Variants in GPR158 observed in about 807,000 individuals in gnomAD.
GPR158 encodes metabotropic glycine receptor.
In GPR158, 30 loss-of-function variants were observed where a neutral mutation model predicts 78.2. The observed-to-expected ratio is 0.38, with a 90% confidence interval of 0.29 to 0.52. The LOEUF (loss-of-function observed/expected upper bound fraction) is 0.52. GPR158 is among the 20% of genes least tolerant of loss of function. GPR158 has a pLI of 0.83. For missense variants in GPR158, 1,463 were observed against 1,523.5 expected (o/e 0.96, Z 0.66); for synonymous variants, 581 against 591.1 (o/e 0.98, Z 0.25).
chr10:25,235,426 CTTT>C (rs148749730), intron 2 of GPR158, among the ~76,000 whole-genome samples: 22 of 137,846 alleles, frequency 1.6e-4, no homozygotes, highest in Admixed American at 2.9e-4. Flanking sequence ...TCTCTTCTTC[CTTT>C]TTTTTTTTTT....
intron 5 of GPR158, among the ~76,000 whole-genome samples, chr10:25,504,384 A>C (rs940433519): frequency 6.6e-6 from 1 of 152,062 alleles, no homozygotes; most frequent in Non-Finnish European, 1.5e-5. Context: ...TTTTATCTTT[A>C]TTTGCTCCAA....
intron 4 of GPR158, among the ~76,000 whole-genome samples, chr10:25,420,869 T>G (rs1245572191): frequency 2.6e-5 from 4 of 152,192 alleles, no homozygotes; most frequent in Admixed American, 6.5e-5. Flanking sequence ...TTACTATATC[T>G]TTGTAGTAAA....
chr10:25,477,581 C>G (rs1835605880), intron 5 of GPR158, among the ~76,000 whole-genome samples: 1 of 152,042 alleles, frequency 6.6e-6, no homozygotes. Flanking sequence ...AGAAAGTTCC[C>G]CCAACTTTAC....
intron 2 of GPR158, among the ~76,000 whole-genome samples, chr10:25,280,951 A>G (rs1458934699): frequency 1.3e-5 from 2 of 151,964 alleles, no homozygotes; most frequent in Non-Finnish European, 2.9e-5. Context: ...CCTGGCCAAC[A>G]TGGCAAAATC....
At chr10:25,507,989 G>GT (rs1269401316) in intron 5 of GPR158, among the ~76,000 whole-genome samples, 1 of 152,094 alleles carries the variant, frequency 6.6e-6, no homozygotes, top group African/African-American at 2.4e-5. Flanking sequence ...TATAAGGACG[G>GT]TTTTTTAAGG....
At chr10:25,557,466 C>G (rs148692232) in intron 6 of GPR158, among the ~76,000 whole-genome samples, 35 of 152,306 alleles carry the variant, frequency 2.3e-4, no homozygotes, top group African/African-American at 8.4e-4. Flanking sequence ...CAAAGAGTCA[C>G]TCTTTAATTG....
intron 5 of GPR158, among the ~76,000 whole-genome samples, chr10:25,467,491 T>A (rs1255823106): frequency 7.2e-5 from 11 of 152,160 alleles, no homozygotes. Flanking sequence ...CAGAAACATG[T>A]TCTAGGGTAA....
At chr10:25,277,470 A>AAGAG (rs370403743) in intron 2 of GPR158, among the ~76,000 whole-genome samples, 30 of 149,368 alleles carry the variant, frequency 2.0e-4, no homozygotes, top group African/African-American at 3.4e-4. Flanking sequence ...AAAAAAGCAA[A>AAGAG]AGAGAGAGAG....
Position 25,599,126 on chromosome 10 carries a change from C to T in GPR158, c.3500C>T (p.Ser1167Leu). 6.2e-7 allele frequency: 1 copy of T among 1,611,524 alleles called. No individual in the cohort carries two copies. The highest frequency in any genetic ancestry group is 8.5e-7 in the Non-Finnish European group (1 of 1,179,968). ...AATAACTTCCAGCAACCTTTAACAT[C>T]ACGAGCAGAGGTTTGTCCTTGGGAG... ...SSNNFQQPLT[S>L]RAEVCPWEFE... The change falls in exon 11 of 11, where the codon TCA (serine) becomes TTA (leucine). Residue 1167 changes from serine (S) to leucine (L), a missense_variant. Physicochemically the swap from Ser to Leu is moderately radical, Grantham distance 145. Coordinates refer to ENST00000376351, the MANE Select transcript of GPR158 (RefSeq NM_020752.3).
At chr10:25,314,596 T>G (rs1181118215) in intron 2 of GPR158, among the ~76,000 whole-genome samples, 2 of 151,746 alleles carry the variant, frequency 1.3e-5, no homozygotes, top group African/African-American at 4.8e-5. Flanking sequence ...TCATTGATTT[T>G]TATGCTTACT....
At chr10:25,509,474 T>C (rs1836055748) in intron 5 of GPR158, among the ~76,000 whole-genome samples, 1 of 152,196 alleles carries the variant, frequency 6.6e-6, no homozygotes, top group South Asian at 2.1e-4. Context: ...GAGCCTCTTC[T>C]GGAAGACTTA....
chr10:25,598,437 A>C lies in GPR158; in HGVS notation c.2811A>C (p.Lys937Asn). ...ERTKSQKPLP[K>N]DKETNRNHSN... Reference sequence around the variant, plus strand: ...CTAAATCCCAGAAACCTTTGCCAAAAGATAAAGAGACAAACAGAAATCACT... The same window carrying C: ...CTAAATCCCAGAAACCTTTGCCAAACGATAAAGAGACAAACAGAAATCACT... The change falls in exon 11 of 11, where the codon AAA (lysine) becomes AAC (asparagine). Residue 937 changes from lysine (K) to asparagine (N), a missense_variant. Physicochemically the swap from Lys to Asn is moderately conservative, Grantham distance 94 (BLOSUM62 0). Coordinates refer to ENST00000376351, the MANE Select transcript of GPR158 (RefSeq NM_020752.3). The C allele has an allele frequency of 6.2e-7, 1 of 1,614,124 alleles. No homozygotes were observed. The highest frequency in any genetic ancestry group is 8.5e-7 in the Non-Finnish European group (1 of 1,180,026).
chr10:25,292,470 G>A (rs908157043), intron 2 of GPR158, among the ~76,000 whole-genome samples: 15 of 151,846 alleles, frequency 9.9e-5, no homozygotes, highest in Non-Finnish European at 1.6e-4. Context: ...ACAATTCAAA[G>A]CATTTCATTG....
intron 5 of GPR158, among the ~76,000 whole-genome samples, chr10:25,510,846 TTCCA>T (rs1836075390): frequency 6.6e-6 from 1 of 152,220 alleles, no homozygotes; most frequent in South Asian, 2.1e-4. Context: ...TGGTCTCCAA[TTCCA>T]TCCGGGTTGC....
intron 2 of GPR158, among the ~76,000 whole-genome samples, chr10:25,391,248 A>G (rs2130521797): frequency 6.6e-6 from 1 of 152,282 alleles, no homozygotes; most frequent in East Asian, 1.9e-4. Flanking sequence ...CAGCGTCCCC[A>G]CTGGGGCACT....
chr10:25,442,208 G>A (rs910705217), intron 4 of GPR158, among the ~76,000 whole-genome samples: 3 of 151,946 alleles, frequency 2.0e-5, no homozygotes, highest in African/African-American at 7.3e-5. Flanking sequence ...GAGTTTTAAG[G>A]TTTTTTTATT....
At chr10:25,507,029 G>A (rs972368413) in intron 5 of GPR158, among the ~76,000 whole-genome samples, 2 of 152,162 alleles carry the variant, frequency 1.3e-5, no homozygotes, top group Admixed American at 6.5e-5. Flanking sequence ...AAGAAGGTTT[G>A]CTTCGGGTTC....
intron 7 of GPR158, among the ~76,000 whole-genome samples, chr10:25,578,752 AAT>A (rs1366346105): frequency 6.6e-6 from 1 of 152,184 alleles, no homozygotes; most frequent in African/African-American, 2.4e-5. Flanking sequence ...TCACACCTGT[AAT>A]CCCAGCACTT....
intron 2 of GPR158, among the ~76,000 whole-genome samples, chr10:25,380,493 A>G (rs1209025105): frequency 6.6e-6 from 1 of 152,106 alleles, no homozygotes; most frequent in East Asian, 1.9e-4. Flanking sequence ...TTTTTTTAGT[A>G]TTACAATTAG....
Sources: allele counts gnomAD v4.1 joint callset (sites outside exome capture counted in the v4.1 genomes callset), GRCh38; gene constraint gnomAD v4.1.1; transcripts MANE v1.5; gene names NCBI Gene and HGNC (gene_info 2026-07-23, HGNC 2026-07-21).